The following PLEKHD1 variants were observed in gnomAD, a reference collection of about 807,000 sequenced individuals.
The protein encoded by PLEKHD1 is pleckstrin homology domain-containing family D member 1.
Under a neutral mutation model 69.2 loss-of-function variants are expected in PLEKHD1, and 51 were observed. The observed-to-expected ratio is 0.74, with a 90% CI of 0.59 to 0.93. The LOEUF (loss-of-function observed/expected upper bound fraction) is 0.93. Among genes scored for constraint, PLEKHD1 ranks in the 40% least tolerant of loss-of-function variants. The pLI, the probability that PLEKHD1 is intolerant of heterozygous loss-of-function variation, is 0.00. For synonymous variants in PLEKHD1, 236 were observed against 244.7 expected (o/e 0.96, Z 0.33); for missense variants, 584 against 641.0 (o/e 0.91, Z 0.96).
chr14:69,471,090 C>CTTTTTTTTTTTTT, the PLEKHD1 span, among the ~76,000 whole-genome samples: 2 of 44,720 alleles, frequency 4.5e-5, 1 homozygote, highest in Admixed American at 7.2e-4. Flanking sequence ...CGTGCCTGGC[C>CTTTTTTTTTTTTT]TTTTTTTTTT....
intron 6 of PLEKHD1, among the ~76,000 whole-genome samples, chr14:69,505,698 C>T (rs113674501): frequency 1.7e-4 from 26 of 152,246 alleles, no homozygotes; most frequent in African/African-American, 5.1e-4. Context: ...AAGTAGAACG[C>T]GGGGAAGGGA....
chr14:69,501,985 C>T (rs1421847822), intron 5 of PLEKHD1, 160 bp downstream of exon 5: 8 of 587,304 alleles, frequency 1.4e-5, no homozygotes, highest in Admixed American at 6.5e-5. Flanking sequence ...TGGTACACTA[C>T]GCATCCTTTT....
chr14:69,494,878 G>C (rs996558052), intron 1 of PLEKHD1, among the ~76,000 whole-genome samples: 2 of 152,200 alleles, frequency 1.3e-5, no homozygotes, highest in Non-Finnish European at 2.9e-5. Flanking sequence ...TTATAAGCAA[G>C]GCCAGATCTT....
intron 1 of PLEKHD1, among the ~76,000 whole-genome samples, chr14:69,491,810 C>T (rs1176285846): frequency 6.6e-6 from 1 of 152,180 alleles, no homozygotes; most frequent in Non-Finnish European, 1.5e-5. Context: ...TTCTTGGATT[C>T]CCTAATTCAT....
rs920971078 is a variant in PLEKHD1, at chr14:69,501,084, G to C, written c.410+137G>C. ...TGTGGGAGATGGCTAGGGTAGGGGA[G>C]AGCAGACAGGCCAGGTTTTAGAGCA... On this transcript the variant is annotated intron_variant, in intron 4 of 12. Transcript: ENST00000322564. 4.6e-6 allele frequency: 4 copies of C among 878,580 alleles called. No individual in the cohort carries two copies. In the African/African-American group the frequency reaches 6.6e-5, roughly 15 times the overall value. 54.4% of individuals were successfully genotyped at this position (878,580 alleles called of 1,614,324 possible). A position where few individuals can be genotyped will look rare whatever the true frequency, so the allele number is the denominator to read the frequency against.
intron 1 of PLEKHD1, among the ~76,000 whole-genome samples, chr14:69,490,522 C>G (rs577635055): frequency 3.3e-5 from 5 of 152,266 alleles, no homozygotes; most frequent in African/African-American, 1.2e-4. Flanking sequence ...GTTGAAGACT[C>G]CTGTTTTACA....
At chr14:69,473,221 T>C in the PLEKHD1 span, among the ~76,000 whole-genome samples, 1 of 152,168 alleles carries the variant, frequency 6.6e-6, no homozygotes, top group East Asian at 1.9e-4. Context: ...GAAAAAATTG[T>C]CTTGCATGAA....
At chr14:69,481,485 G>A (rs1882540786), upstream of PLEKHD1, among the ~76,000 whole-genome samples, 1 of 152,180 alleles carries the variant, frequency 6.6e-6, no homozygotes, top group Non-Finnish European at 1.5e-5. Context: ...ACTGAAAGTG[G>A]TCTAGTATTT....
At position 69,528,643 on chromosome 14, in the gene PLEKHD1, C is replaced by T. The variant is rs567760559; in HGVS notation, c.*224C>T. 4.5e-4 allele frequency: 273 copies of T among 612,368 alleles called. No homozygotes were observed. Among genetic ancestry groups the T allele is most frequent in the Non-Finnish European group, 6.9e-4 (244 of 355,450 alleles). 37.9% of individuals were successfully genotyped at this position (612,368 alleles called of 1,614,324 possible). On this transcript the variant is annotated 3_prime_UTR_variant, in exon 13 of 13. Transcript: ENST00000322564. ...CCCACCTTTGGGTCCACACCAGGGC[C>T]ATGCAGGCCTGAGCTGGGTGCTGGT...
intron 1 of PLEKHD1, among the ~76,000 whole-genome samples, chr14:69,485,890 G>A (rs1207086942): frequency 6.6e-6 from 1 of 152,168 alleles, no homozygotes; most frequent in Non-Finnish European, 1.5e-5. Context: ...CAACTCAGAC[G>A]CGACTCCGCG....
chr14:69,502,844 A>G lies in PLEKHD1; in HGVS notation c.520A>G (p.Thr174Ala). ...QEYLDKLMEETEELCLQREQR... is the reference protein window; with the variant it reads ...QEYLDKLMEEAEELCLQREQR... ...TTTGGCAGACAAACTGATGGAAGAG[A>G]CCGAAGAACTCTGCCTTCAGAGGGA... Residue 174 changes from threonine to alanine, a missense_variant, in exon 6 of 13, where the codon ACC (threonine) becomes GCC (alanine). Thr to Ala is a moderately conservative substitution (Grantham distance 58). Coordinates refer to ENST00000322564, the MANE Select transcript of PLEKHD1 (RefSeq NM_001161498.2). The G allele has an allele frequency of 6.4e-7, 1 of 1,551,610 alleles. No individual in the cohort carries two copies. The highest frequency in any genetic ancestry group is 8.7e-7 in the Non-Finnish European group (1 of 1,146,962).
chr14:69,511,987 T>C (rs1377439036), intron 6 of PLEKHD1, among the ~76,000 whole-genome samples: 2 of 152,256 alleles, frequency 1.3e-5, no homozygotes, highest in Non-Finnish European at 2.9e-5. Context: ...GTTTCTTAAA[T>C]GTTTGATATA....
upstream of PLEKHD1, among the ~76,000 whole-genome samples, chr14:69,483,856 G>A (rs1340193400): frequency 1.3e-5 from 2 of 152,208 alleles, no homozygotes; most frequent in African/African-American, 4.8e-5. Flanking sequence ...CCGGGAGGAG[G>A]CGGTCCCCTG....
intron 5 of PLEKHD1, 65 bp from the exon 6 acceptor site, chr14:69,502,762 C>T (rs1387532982): frequency 5.2e-6 from 8 of 1,544,508 alleles, no homozygotes; most frequent in Non-Finnish European, 6.1e-6. Context: ...GCACCAGCTC[C>T]CTCAGGACCT....
At position 69,523,151 on chromosome 14, in the gene PLEKHD1, G is replaced by A. The variant is rs563555829; in HGVS notation, c.650+774G>A. Among the ~76,000 whole-genome samples, 9 of 152,212 alleles carry A rather than the reference G, an allele frequency of 5.9e-5. No individual in the cohort carries two copies. In the South Asian group the frequency reaches 6.2e-4, roughly 11 times the overall value. ...TTTTGCCATGTTGGCCAGACTGGTCGCCAACACCTGTCCTCAACGATCCTC... is the reference window on the plus strand; with the variant it reads ...TTTTGCCATGTTGGCCAGACTGGTCACCAACACCTGTCCTCAACGATCCTC... On this transcript the variant is annotated intron_variant, in intron 7 of 12. Coordinates refer to ENST00000322564, the MANE Select transcript of PLEKHD1 (RefSeq NM_001161498.2).
intron 5 of PLEKHD1, chr14:69,502,470 G>A: frequency 3.3e-6 from 1 of 301,346 alleles, no homozygotes; most frequent in Non-Finnish European, 6.4e-6. Flanking sequence ...CCCTATGCCT[G>A]CTTCAGAACT....
chr14:69,468,648 A>G, the PLEKHD1 span, among the ~76,000 whole-genome samples: 1 of 151,800 alleles, frequency 6.6e-6, no homozygotes, highest in Non-Finnish European at 1.5e-5. Context: ...TCATAAGCCC[A>G]TAGCTCACTG....
chr14:69,478,132 C>G, the PLEKHD1 span, among the ~76,000 whole-genome samples: 31 of 152,218 alleles, frequency 2.0e-4, no homozygotes, highest in Non-Finnish European at 3.7e-4. Context: ...CTTGCAGGCT[C>G]AACACCATGT....
the PLEKHD1 span, among the ~76,000 whole-genome samples, chr14:69,477,820 C>G: frequency 6.6e-6 from 1 of 152,248 alleles, no homozygotes; most frequent in African/African-American, 2.4e-5. Context: ...TACAGCCCCC[C>G]TCCTGGCTGC....
Sources: gnomAD v4.1 joint callset for allele counts (sites outside exome capture counted in the v4.1 genomes callset) on GRCh38, gnomAD v4.1.1 for gene constraint, MANE v1.5 for transcripts, NCBI Gene and HGNC (gene_info 2026-07-23, HGNC 2026-07-21) for gene names.